Variants in FGF14 observed in about 807,000 individuals in gnomAD.
FGF14 encodes the protein fibroblast growth factor homologous factor 4.
Under a neutral mutation model 25.5 loss-of-function variants are expected in FGF14, and 5 were observed. The observed-to-expected ratio is 0.20, with a 90% CI of 0.10 to 0.41. FGF14 has a LOEUF of 0.41. FGF14 is among the 10% of genes least tolerant of loss of function. The pLI, the probability that FGF14 is intolerant of heterozygous loss-of-function variation, is 1.00. For missense variants in FGF14, 222 were observed against 320.1 expected (o/e 0.69, Z 2.34); for synonymous variants, 138 against 118.3 (o/e 1.17, Z -1.08).
chr13:102,064,699 A>G (rs2042830688), intron 1 of FGF14, among the ~76,000 whole-genome samples: 1 of 152,098 alleles, frequency 6.6e-6, no homozygotes, highest in African/African-American at 2.4e-5. Flanking sequence ...AGATTCAACC[A>G]AACATGAACA....
intron 1 of FGF14, among the ~76,000 whole-genome samples, chr13:102,234,641 G>C (rs2051246324): frequency 6.6e-6 from 1 of 152,026 alleles, no homozygotes; most frequent in African/African-American, 2.4e-5. Flanking sequence ...CTGAAATGTT[G>C]AGAGATTACA....
At chr13:101,942,514 A>G (rs182170820) in intron 1 of FGF14, among the ~76,000 whole-genome samples, 175 of 152,322 alleles carry the variant, frequency 1.1e-3, no homozygotes, top group Admixed American at 3.3e-3. Context: ...AGAATGTCCA[A>G]TCATCATCAT....
At chr13:101,829,507 T>C (rs7336799) in intron 3 of FGF14, among the ~76,000 whole-genome samples, 5,811 of 152,156 alleles carry the variant, frequency 0.038, 172 homozygotes, top group Non-Finnish European at 0.051. Flanking sequence ...CCAGTCAGCA[T>C]TGCCAATCAG....
chr13:102,187,585 C>T (rs556173540), intron 1 of FGF14, among the ~76,000 whole-genome samples: 243 of 152,242 alleles, frequency 1.6e-3, no homozygotes, highest in African/African-American at 5.4e-3. Context: ...TCATCTTCTC[C>T]TCATTGCTGC....
At chr13:102,161,636 A>G (rs752324701) in intron 1 of FGF14, among the ~76,000 whole-genome samples, 434 of 9,476 alleles carry the variant, frequency 0.046, 12 homozygotes, top group Non-Finnish European at 0.055. Flanking sequence ...AAGAAGAAGA[A>G]GAAGAAGAAG....
At chr13:102,372,894 C>T (rs1244404612) in intron 1 of FGF14, among the ~76,000 whole-genome samples, 1 of 152,110 alleles carries the variant, frequency 6.6e-6, no homozygotes, top group African/African-American at 2.4e-5. Context: ...AACATTCCTA[C>T]AAGATATATG....
At chr13:101,881,580 G>T (rs1594592082) in intron 1 of FGF14, among the ~76,000 whole-genome samples, 1 of 152,244 alleles carries the variant, frequency 6.6e-6, no homozygotes, top group East Asian at 1.9e-4. Flanking sequence ...AGTAAGAAAA[G>T]AAAGAAAAGC....
chr13:101,873,621 G>C (rs2140472071), intron 2 of FGF14, among the ~76,000 whole-genome samples: 1 of 152,214 alleles, frequency 6.6e-6, no homozygotes, highest in African/African-American at 2.4e-5. Flanking sequence ...AAAGGAAATG[G>C]TTTTTGTCAA....
chr13:102,248,113 G>A (rs2051977710), intron 1 of FGF14, among the ~76,000 whole-genome samples: 1 of 151,892 alleles, frequency 6.6e-6, no homozygotes. Context: ...AGGAGGGAGA[G>A]GAACAGTAAA....
intron 1 of FGF14, among the ~76,000 whole-genome samples, chr13:101,997,368 T>A (rs1430239987): frequency 6.6e-6 from 1 of 152,232 alleles, no homozygotes; most frequent in African/African-American, 2.4e-5. Flanking sequence ...TCAAGTTGAT[T>A]GGTTACTACA....
chr13:102,353,623 A>G (rs946156214), intron 1 of FGF14, among the ~76,000 whole-genome samples: 1 of 151,824 alleles, frequency 6.6e-6, no homozygotes, highest in Non-Finnish European at 1.5e-5. Context: ...GTACTCCCAC[A>G]CTCTGCCTTC....
intron 3 of FGF14, among the ~76,000 whole-genome samples, chr13:101,772,776 C>T (rs1377220657): frequency 6.6e-6 from 1 of 152,054 alleles, no homozygotes; most frequent in East Asian, 1.9e-4. Context: ...TAAGGATTCT[C>T]TTTTATTAGG....
At chr13:101,873,334 T>A (rs1329468414) in intron 2 of FGF14, among the ~76,000 whole-genome samples, 2 of 152,146 alleles carry the variant, frequency 1.3e-5, no homozygotes, top group Non-Finnish European at 2.9e-5. Flanking sequence ...AACCTTTGTT[T>A]GAGTGAAATT....
chr13:102,296,395 T>C (rs1299927097), intron 1 of FGF14, among the ~76,000 whole-genome samples: 3 of 152,184 alleles, frequency 2.0e-5, no homozygotes, highest in Non-Finnish European at 4.4e-5. Context: ...GCACACCGTA[T>C]TGGAATCACT....
chr13:102,264,261 G>A (rs902309292), intron 1 of FGF14, among the ~76,000 whole-genome samples: 1 of 151,874 alleles, frequency 6.6e-6, no homozygotes, highest in Non-Finnish European at 1.5e-5. Context: ...GATTGCATAG[G>A]GACAATGCAG....
At chr13:102,318,220 G>A (rs1594836654) in intron 1 of FGF14, among the ~76,000 whole-genome samples, 3 of 152,144 alleles carry the variant, frequency 2.0e-5, no homozygotes, top group South Asian at 2.1e-4. Context: ...ACCCCTGGAA[G>A]GAGCCAGAAT....
chr13:101,849,183 C>T (rs2043618695), intron 3 of FGF14, among the ~76,000 whole-genome samples: 1 of 151,938 alleles, frequency 6.6e-6, no homozygotes, highest in African/African-American at 2.4e-5. Flanking sequence ...ATACTTTTAA[C>T]AAATTGCAGC....
In FGF14 at chr13:102,309,367, A is replaced by G. The variant is rs112305798; in HGVS notation, c.208+92104T>C. Among the ~76,000 whole-genome samples, 456 of 152,324 alleles carry G rather than the reference A, an allele frequency of 3.0e-3. 2 individuals are homozygous for G. The highest frequency in any genetic ancestry group is 0.01 in the African/African-American group (436 of 41,580). On this transcript the variant is annotated intron_variant, in intron 1 of 4. Coordinates refer to the FGF14 transcript ENST00000376131. Reference sequence around the variant, plus strand: ...CCAAAGCCCCATGCTTTCATCAGCTAGGTAAAGGCATTCACTTCACCGGCT... The same window carrying G: ...CCAAAGCCCCATGCTTTCATCAGCTGGGTAAAGGCATTCACTTCACCGGCT...
upstream of FGF14, among the ~76,000 whole-genome samples, chr13:101,917,048 C>A (rs972961268): frequency 1.3e-5 from 2 of 151,462 alleles, no homozygotes; most frequent in African/African-American, 4.8e-5. Context: ...GGAGGTAGAG[C>A]CGGCCGGCGG....
Sources: gnomAD v4.1 joint callset for allele counts (sites outside exome capture counted in the v4.1 genomes callset) on GRCh38, gnomAD v4.1.1 for gene constraint, MANE v1.5 for transcripts, NCBI Gene and HGNC (gene_info 2026-07-23, HGNC 2026-07-21) for gene names.